Variants in PDK1 observed in about 807,000 individuals in gnomAD.
The protein encoded by PDK1 is [Pyruvate dehydrogenase (acetyl-transferring)] kinase isozyme 1, mitochondrial.
Under a neutral mutation model 54.2 loss-of-function variants are expected in PDK1, and 39 were observed. That is an observed-to-expected ratio of 0.72 (90% CI 0.56 to 0.94). The LOEUF (loss-of-function observed/expected upper bound fraction) is 0.94. Ranked by LOEUF, PDK1 falls within the 40% of genes least tolerant of loss-of-function variation. The pLI, the probability that PDK1 is intolerant of heterozygous loss-of-function variation, is 0.00. For synonymous variants in PDK1, 221 were observed against 207.1 expected, an observed-to-expected ratio of 1.07 and a Z score of -0.58; for missense variants, 552 against 566.0, an observed-to-expected ratio of 0.98 and a Z score of 0.25.
the PDK1 span, chr2:172,723,205 T>C: frequency 2.0e-5 from 3 of 152,136 alleles, no homozygotes; most frequent in Non-Finnish European, 4.4e-5. Context: ...CTGTGGGAAT[T>C]AGAGTTTACT....
In PDK1 at chr2:172,562,241, GCTT is replaced by G; in HGVS notation, c.364_366del (p.Leu122del). On this transcript the variant is annotated inframe_deletion, in exon 3 of 11. Transcript: ENST00000282077. ...TTAGGTATATCCAGAGTCTTCAGGA[GCTT>G]CTTGATTTTAAGGACAAAAGTGCTG... The G allele has an allele frequency of 6.3e-7, 1 of 1,595,498 alleles. No individual in the cohort carries two copies. The highest frequency in any genetic ancestry group is 1.1e-5 in the South Asian group (1 of 90,600).
the PDK1 span, among the ~76,000 whole-genome samples, chr2:172,669,048 CTGAT>C: frequency 7.4e-6 from 1 of 135,750 alleles, no homozygotes; most frequent in Non-Finnish European, 1.5e-5. Flanking sequence ...ACAGAATTTC[CTGAT>C]TTTTTTTTTT....
At chr2:172,670,480 A>G in the PDK1 span, among the ~76,000 whole-genome samples, 1 of 152,204 alleles carries the variant, frequency 6.6e-6, no homozygotes, top group African/African-American at 2.4e-5. Context: ...TGAAGTTTTA[A>G]TTAATGTTAT....
the PDK1 span, among the ~76,000 whole-genome samples, chr2:172,616,980 C>T: frequency 2.0e-5 from 3 of 152,110 alleles, no homozygotes; most frequent in African/African-American, 7.2e-5. Context: ...GACAGAGTCT[C>T]ACTCTGTCAC....
At chr2:172,653,326 G>A in the PDK1 span, among the ~76,000 whole-genome samples, 1 of 152,090 alleles carries the variant, frequency 6.6e-6, no homozygotes, top group Non-Finnish European at 1.5e-5. Context: ...TAATTCACCA[G>A]GCGCAGTGGC....
At chr2:172,658,432 A>G in the PDK1 span, among the ~76,000 whole-genome samples, 3 of 152,212 alleles carry the variant, frequency 2.0e-5, no homozygotes, top group African/African-American at 4.8e-5. Context: ...TGTTAACTGT[A>G]CAAATTGATT....
At chr2:172,699,497 T>A in the PDK1 span, among the ~76,000 whole-genome samples, 9 of 144,168 alleles carry the variant, frequency 6.2e-5, no homozygotes, top group African/African-American at 5.2e-5. Flanking sequence ...TTTTTTTTTT[T>A]ACTGTTCAGA....
chr2:172,558,766 C>T lies in PDK1; in HGVS notation c.255C>T (p.Val85=), dbSNP rs1356266723. Residue 85 remains valine (V), a synonymous_variant, in exon 2 of 11, where the codon GTC becomes GTT. Coordinates refer to ENST00000282077, the MANE Select transcript of PDK1 (RefSeq NM_002610.5). ...SFMFLRQELP[V]RLANIMKEIS... is the part of the protein sequence containing the mutation. ...TGTTTCTGCGGCAAGAGTTGCCTGT[C>T]AGACTGGCAAATATAATGAAAGAAA... The T allele has an allele frequency of 6.2e-7, 1 of 1,610,746 alleles. No individual in the cohort carries two copies. Among genetic ancestry groups the T allele is most frequent in the East Asian group, 2.2e-5 (1 of 44,838 alleles).
At chr2:172,619,319 A>G in the PDK1 span, among the ~76,000 whole-genome samples, 1 of 152,140 alleles carries the variant, frequency 6.6e-6, no homozygotes, top group African/African-American at 2.4e-5. Flanking sequence ...TTGGATTTCC[A>G]ACTGTCTTGA....
At chr2:172,674,663 T>C in the PDK1 span, 1 of 152,392 alleles carries the variant, frequency 6.6e-6, no homozygotes, top group South Asian at 2.1e-4. Context: ...TTTTCTCTCT[T>C]CCTAAGTCCT....
chr2:172,620,238 A>G, the PDK1 span, among the ~76,000 whole-genome samples: 7 of 152,182 alleles, frequency 4.6e-5, no homozygotes, highest in African/African-American at 1.4e-4. Context: ...TGAAATAGGT[A>G]TCTGGACTTC....
the PDK1 span, among the ~76,000 whole-genome samples, chr2:172,700,963 G>T: frequency 6.6e-6 from 1 of 152,172 alleles, no homozygotes; most frequent in Non-Finnish European, 1.5e-5. Flanking sequence ...GTACAGTCCA[G>T]CCTCGGCTTG....
At chr2:172,712,728 C>T in the PDK1 span, among the ~76,000 whole-genome samples, 3 of 152,150 alleles carry the variant, frequency 2.0e-5, no homozygotes, top group African/African-American at 7.2e-5. Context: ...TCTGGGCTTC[C>T]CAAAGAGCTG....
intron 9 of PDK1, among the ~76,000 whole-genome samples, 175 bp downstream of exon 9, chr2:172,586,563 T>TC (rs1485198577): frequency 6.6e-6 from 1 of 151,734 alleles, no homozygotes; most frequent in Non-Finnish European, 1.5e-5. Flanking sequence ...TTTTTTTTTT[T>TC]CCAACTGAAA....
the PDK1 span, among the ~76,000 whole-genome samples, chr2:172,680,653 T>C: frequency 6.6e-6 from 1 of 152,202 alleles, no homozygotes; most frequent in African/African-American, 2.4e-5. Context: ...AGATGTGTGC[T>C]ATCGTGGCTG....
At chr2:172,687,660 G>A in the PDK1 span, among the ~76,000 whole-genome samples, 5 of 152,114 alleles carry the variant, frequency 3.3e-5, no homozygotes, top group African/African-American at 9.7e-5. Flanking sequence ...GGGTCTGAGC[G>A]CTTGGTTTAT....
the PDK1 span, among the ~76,000 whole-genome samples, chr2:172,656,648 C>T: frequency 6.6e-6 from 1 of 152,128 alleles, no homozygotes; most frequent in Non-Finnish European, 1.5e-5. Context: ...ATGGCTCATG[C>T]CTGTAATCCC....
At chr2:172,587,918 T>C (rs1418772210) in intron 9 of PDK1, among the ~76,000 whole-genome samples, 1 of 152,138 alleles carries the variant, frequency 6.6e-6, no homozygotes, top group African/African-American at 2.4e-5. Flanking sequence ...AATTGGTGCA[T>C]TTACAATCCT....
chr2:172,709,263 C>A, the PDK1 span, among the ~76,000 whole-genome samples: 16 of 152,192 alleles, frequency 1.1e-4, no homozygotes, highest in Admixed American at 1.0e-3. Flanking sequence ...TTGCTTTCAG[C>A]TATTTCAGCT....
Sources: gnomAD v4.1 joint callset for allele counts (sites outside exome capture counted in the v4.1 genomes callset) on GRCh38, gnomAD v4.1.1 for gene constraint, MANE v1.5 for transcripts, NCBI Gene and HGNC (gene_info 2026-07-23, HGNC 2026-07-21) for gene names.